The following STRN variants were observed in gnomAD, a reference collection of about 807,000 sequenced individuals.
STRN encodes protein phosphatase 2 regulatory subunit B'''alpha.
A neutral mutation model predicts 96.3 loss-of-function variants in STRN; 53 were observed. That is an observed-to-expected ratio of 0.55 (90% CI 0.44 to 0.69). STRN has a LOEUF of 0.69. STRN is among the 30% of genes least tolerant of loss of function. STRN has a pLI of 0.00. For missense variants in STRN, 987 were observed against 963.9 expected (o/e 1.02, Z -0.32); for synonymous variants, 428 against 355.9 (o/e 1.20, Z -2.28).
Position 36,854,254 on chromosome 2 carries a change from TTTA to T in STRN, c.1978+955_1978+957del, listed in dbSNP as rs573105995. Among the ~76,000 whole-genome samples the T allele has an allele frequency of 7.2e-5, 11 of 152,350 alleles. No homozygotes were observed. The East Asian group carries it at 1.7e-3, about 24-fold the overall frequency. On this transcript the variant is annotated intron_variant, in intron 15 of 17. Coordinates refer to ENST00000263918, the MANE Select transcript of STRN (RefSeq NM_003162.4). ...TCATATATTTAAACATGATTTTAAA[TTTA>T]TTGAGAGTCTAAAACCTGTAATTTC...
At chr2:36,937,558 T>A (rs1670736138) in intron 1 of STRN, among the ~76,000 whole-genome samples, 1 of 151,774 alleles carries the variant, frequency 6.6e-6, no homozygotes, top group South Asian at 2.1e-4. Flanking sequence ...TAGTCTCAGC[T>A]ACCTGGTTGG....
intron 6 of STRN, among the ~76,000 whole-genome samples, chr2:36,895,151 C>T (rs1390973980): frequency 6.6e-6 from 1 of 151,680 alleles, no homozygotes; most frequent in Admixed American, 6.6e-5. Flanking sequence ...CACGGTGAAA[C>T]CCTGTCTCTA....
intron 12 of STRN, among the ~76,000 whole-genome samples, chr2:36,865,773 G>A (rs1370575391): frequency 1.3e-5 from 2 of 151,872 alleles, no homozygotes; most frequent in East Asian, 1.9e-4. Context: ...TGTTGGCCAG[G>A]CTGGTCTCAA....
Position 36,839,994 on chromosome 2 carries a change from A to G in STRN, c.*9462T>C, listed in dbSNP as rs7600413. 65,372 of 152,000 alleles carry G rather than the reference A, an allele frequency of 0.43. 14,300 individuals carry two copies. Among genetic ancestry groups the G allele is most frequent in the East Asian group, 0.58 (2,997 of 5,154 alleles). The allele number at this position is 152,000 out of a possible 1,614,324, so 9.4% of individuals were successfully genotyped here. A position where few individuals can be genotyped will look rare whatever the true frequency, so the allele number is the denominator to read the frequency against. ...GTTAATAAACATTGGTACAATTACT[A>G]TAAAATCTTCAAGACAAAAACCAGC... On this transcript the variant is annotated 3_prime_UTR_variant, in exon 18 of 18. Transcript: ENST00000263918.
intron 10 of STRN, among the ~76,000 whole-genome samples, chr2:36,873,628 G>A (rs1668822440): frequency 6.6e-6 from 1 of 152,086 alleles, no homozygotes; most frequent in South Asian, 2.1e-4. Flanking sequence ...GAAAATTTTG[G>A]AAGAAATCTG....
intron 3 of STRN, among the ~76,000 whole-genome samples, chr2:36,911,681 C>T (rs1669968542): frequency 6.6e-6 from 1 of 152,152 alleles, no homozygotes; most frequent in Admixed American, 6.6e-5. Flanking sequence ...GTCTTCACTT[C>T]CTTCCCTCTG....
intron 2 of STRN, among the ~76,000 whole-genome samples, chr2:36,918,458 T>A (rs866585796): frequency 3.0e-4 from 46 of 151,782 alleles, no homozygotes; most frequent in Non-Finnish European, 5.2e-4. Context: ...TTTATATTTT[T>A]TATATATATA....
intron 10 of STRN, among the ~76,000 whole-genome samples, chr2:36,875,303 A>G (rs1295842384): frequency 2.0e-5 from 3 of 152,136 alleles, no homozygotes; most frequent in Non-Finnish European, 2.9e-5. Context: ...TGAGCCCAGC[A>G]GTTCAAGACT....
At chr2:36,965,032 T>C (rs1402882711) in intron 1 of STRN, among the ~76,000 whole-genome samples, 6 of 152,218 alleles carry the variant, frequency 3.9e-5, no homozygotes. Flanking sequence ...CAGCCTTGTG[T>C]GTTCGCTCTT....
At chr2:36,852,581 A>G (rs1668247417) in intron 15 of STRN, among the ~76,000 whole-genome samples, 1 of 152,204 alleles carries the variant, frequency 6.6e-6, no homozygotes, top group Non-Finnish European at 1.5e-5. Context: ...AAATGTGACA[A>G]AATGTTAAAA....
intron 1 of STRN, among the ~76,000 whole-genome samples, chr2:36,953,402 C>CT (rs58389468): frequency 0.061 from 8,293 of 135,144 alleles, 833 homozygotes; most frequent in African/African-American, 0.21. Context: ...AGATAAGGTC[C>CT]TTTTTTTTTT....
chr2:36,957,697 T>C (rs1664922602), intron 1 of STRN, among the ~76,000 whole-genome samples: 1 of 149,752 alleles, frequency 6.7e-6, no homozygotes, highest in Admixed American at 6.6e-5. Context: ...CTGAAGAAGA[T>C]ACCTTTATTT....
rs371412159 is a variant in STRN, at chr2:36,870,254, CA to C, written c.1324-526del. On this transcript the variant is annotated intron_variant, in intron 10 of 17. Transcript: ENST00000263918. ...CAAAGAATGCATTCCACTGGTAAAACACACATGTTCTTTCCCTCCATGGTAA... is the reference window on the plus strand; with the variant it reads ...CAAAGAATGCATTCCACTGGTAAAACCACATGTTCTTTCCCTCCATGGTAA... Among the ~76,000 whole-genome samples the C allele has an allele frequency of 3.5e-3, 14 of 4,050 alleles. No homozygotes were observed. The Non-Finnish European group carries it at 0.14, about 41-fold the overall frequency. 2.7% of individuals were successfully genotyped at this position (4,050 alleles called of 152,430 possible). A position where few individuals can be genotyped will look rare whatever the true frequency, so the allele number is the denominator to read the frequency against.
intron 3 of STRN, among the ~76,000 whole-genome samples, chr2:36,913,561 T>A (rs1670015923): frequency 6.6e-6 from 1 of 152,208 alleles, no homozygotes; most frequent in African/African-American, 2.4e-5. Flanking sequence ...TCAATAGCAC[T>A]TATTATTTAT....
chr2:36,950,265 G>C (rs994042103), intron 1 of STRN, among the ~76,000 whole-genome samples: 11 of 144,390 alleles, frequency 7.6e-5, no homozygotes, highest in African/African-American at 2.8e-4. Context: ...ACCCAGACTG[G>C]AGTGCAGTGG....
intron 2 of STRN, among the ~76,000 whole-genome samples, chr2:36,921,839 A>G (rs1022753521): frequency 6.6e-6 from 1 of 152,184 alleles, no homozygotes; most frequent in East Asian, 1.9e-4. Flanking sequence ...AATGTATTTC[A>G]TACTCTATCT....
At chr2:36,947,082 G>A (rs938766181) in intron 1 of STRN, among the ~76,000 whole-genome samples, 1 of 152,032 alleles carries the variant, frequency 6.6e-6, no homozygotes, top group Non-Finnish European at 1.5e-5. Context: ...ATTTTTAGTA[G>A]AGACAGGGTT....
At position 36,902,659 on chromosome 2, in the gene STRN, T is replaced by C. The variant is rs779969027; in HGVS notation, c.584A>G (p.Asp195Gly). 6.2e-7 allele frequency: 1 copy of C among 1,612,494 alleles called. No homozygotes were observed. The highest frequency in any genetic ancestry group is 1.1e-5 in the South Asian group (1 of 90,946). Reference sequence around the variant, plus strand: ...GTCCTGATTTTTGTCATCTTCCCTGTCCGTGACATCACTTGAAAAGCCCAA... The same window carrying C: ...GTCCTGATTTTTGTCATCTTCCCTGCCCGTGACATCACTTGAAAAGCCCAA... ...ALLGFSSDVT[D>G]REDDKNQDSV... Residue 195 changes from aspartate to glycine, a missense_variant, in exon 5 of 18, where the codon GAC becomes GGC. Transcript: ENST00000263918.
chr2:36,909,899 G>T (rs770053277), intron 3 of STRN, among the ~76,000 whole-genome samples: 9 of 152,090 alleles, frequency 5.9e-5, no homozygotes, highest in African/African-American at 9.7e-5. Context: ...CAGGCCGGGC[G>T]CAGTGGCTCA....
Sources: allele counts gnomAD v4.1 joint callset (sites outside exome capture counted in the v4.1 genomes callset), GRCh38; gene constraint gnomAD v4.1.1; transcripts MANE v1.5; gene names NCBI Gene and HGNC (gene_info 2026-07-23, HGNC 2026-07-21).